The following MMP10 variants were observed in gnomAD, a reference collection of about 807,000 sequenced individuals.
The protein encoded by MMP10 is matrix metallopeptidase 10.
In MMP10, 50 loss-of-function variants were observed where a neutral mutation model predicts 49.1. The observed-to-expected ratio is 1.02, with a 90% CI of 0.81 to 1.29. The LOEUF (loss-of-function observed/expected upper bound fraction) is 1.29. MMP10 is among the 50% of genes most tolerant of loss of function. The pLI, the probability that MMP10 is intolerant of heterozygous loss-of-function variation, is 0.00. For missense variants in MMP10, 613 were observed against 563.8 expected, an observed-to-expected ratio of 1.09 and a Z score of -0.88; for synonymous variants, 229 against 201.6, an observed-to-expected ratio of 1.14 and a Z score of -1.15.
At chr11:102,774,437 G>C (rs985939524) in intron 7 of MMP10, among the ~76,000 whole-genome samples, 1 of 151,842 alleles carries the variant, frequency 6.6e-6, no homozygotes, top group Non-Finnish European at 1.5e-5. Flanking sequence ...GAAAAGATCA[G>C]TAAAATTATT....
chr11:102,771,143 G>A (rs1345773648), intron 9 of MMP10, among the ~76,000 whole-genome samples: 1 of 152,160 alleles, frequency 6.6e-6, no homozygotes, highest in East Asian at 1.9e-4. Flanking sequence ...GCATCTGTAA[G>A]GAAGGAAGGA....
At chr11:102,773,928 T>C (rs889047200) in intron 7 of MMP10, among the ~76,000 whole-genome samples, 3 of 152,246 alleles carry the variant, frequency 2.0e-5, no homozygotes, top group African/African-American at 7.2e-5. Context: ...GAATGGCGTC[T>C]GACACAGTGC....
intron 3 of MMP10, 68 bp from the exon 4 acceptor site, chr11:102,778,817 A>T: frequency 6.4e-7 from 1 of 1,557,828 alleles, no homozygotes; most frequent in Non-Finnish European, 8.8e-7. Context: ...CCAATTAAAC[A>T]ACAGTAGATT....
At chr11:102,779,468 T>G in intron 2 of MMP10, 36 bp downstream of exon 2, 1 of 1,611,908 alleles carries the variant, frequency 6.2e-7, no homozygotes, top group Non-Finnish European at 8.5e-7. Flanking sequence ...ACTTATAAGG[T>G]TTCAATATTA....
chr11:102,780,489 G>A lies in MMP10; in HGVS notation c.103C>T (p.Gln35Ter). The A allele has an allele frequency of 1.2e-6, 2 of 1,613,646 alleles. No individual in the cohort carries two copies. The highest frequency in any genetic ancestry group is 1.7e-6 in the Non-Finnish European group (2 of 1,179,774). ...KEEDSNKDLA[Q>*]QYLEKYYNLE... ...CAATAGATGCCACCGTTAATTACCT[G>A]GGCAAGATCCTTGTTGGAGTCCTCC... The change falls in exon 1 of 10, where the codon CAG (glutamine) becomes TAG (stop). Residue 35 changes from glutamine to a stop codon, truncating the protein, a stop_gained and splice_region_variant. Coordinates refer to ENST00000279441, the MANE Select transcript of MMP10 (RefSeq NM_002425.3). LOFTEE classifies it high-confidence loss of function.
At chr11:102,775,691 A>G (rs1293415470) in intron 6 of MMP10, among the ~76,000 whole-genome samples, 1 of 152,170 alleles carries the variant, frequency 6.6e-6, no homozygotes, top group East Asian at 1.9e-4. Flanking sequence ...AAGACTGGAG[A>G]GAGATTTTTT....
At chr11:102,773,102 T>C in intron 7 of MMP10, 96 bp from the exon 8 acceptor site, 1 of 1,174,218 alleles carries the variant, frequency 8.5e-7, no homozygotes, top group South Asian at 1.7e-5. Flanking sequence ...GGCTTGGTTT[T>C]AATTCCAACC....
intron 3 of MMP10, 135 bp from the exon 4 acceptor site, chr11:102,778,884 A>G (rs915450227): frequency 5.0e-5 from 54 of 1,089,718 alleles, no homozygotes; most frequent in African/African-American, 2.6e-4. Flanking sequence ...TCAATGCCCA[A>G]TGAAATATAG....
rs980960173 is a variant in MMP10, at chr11:102,772,218, C to T, written c.1227-103G>A. On this transcript the variant is annotated intron_variant, in intron 8 of 9. Coordinates refer to ENST00000279441, the MANE Select transcript of MMP10 (RefSeq NM_002425.3). This position sits in a 1 kb window ranked among gnomAD's most constrained non-coding sequence, Gnocchi z 4.4. Reference sequence around the variant, plus strand: ...TTTCCAGTGTGGAATCCTAGACAAACTTTTTAAGTTGTGTAAAAAAGTGTT... The same window carrying T: ...TTTCCAGTGTGGAATCCTAGACAAATTTTTTAAGTTGTGTAAAAAAGTGTT... The T allele has an allele frequency of 5.7e-6, 4 of 700,300 alleles. No homozygotes were observed. The highest frequency in any genetic ancestry group is 2.5e-4 in the Middle Eastern group (1 of 4,068). 43.4% of individuals were successfully genotyped at this position (700,300 alleles called of 1,614,324 possible). A position where few individuals can be genotyped will look rare whatever the true frequency, so the allele number is the denominator to read the frequency against.
intron 7 of MMP10, among the ~76,000 whole-genome samples, chr11:102,773,675 A>T (rs1861996174): frequency 6.6e-6 from 1 of 152,188 alleles, no homozygotes; most frequent in African/African-American, 2.4e-5. Context: ...CTTCTTTCTT[A>T]AAGACCTTTC....
chr11:102,779,317 G>A lies in MMP10; in HGVS notation c.392C>T (p.Ser131Phe), dbSNP rs1007007710. The A allele has an allele frequency of 6.2e-7, 1 of 1,614,068 alleles. No individual in the cohort carries two copies. Among genetic ancestry groups the A allele is most frequent in the Non-Finnish European group, 8.5e-7 (1 of 1,180,032 alleles). ...GACTTTCAGAGCTTTCTCAATGGCAGAATCAACAGCATCTCTTGGCAAATC... is the reference window on the plus strand; with the variant it reads ...GACTTTCAGAGCTTTCTCAATGGCAAAATCAACAGCATCTCTTGGCAAATC... ...TPDLPRDAVDSAIEKALKVWE... is the reference protein window; with the variant it reads ...TPDLPRDAVDFAIEKALKVWE... Residue 131 changes from serine (S) to phenylalanine (F), a missense_variant, in exon 3 of 10, where the codon TCT (serine) becomes TTT (phenylalanine). Physicochemically the swap from Ser to Phe is radical, Grantham distance 155 (BLOSUM62 -2). Coordinates refer to ENST00000279441, the MANE Select transcript of MMP10 (RefSeq NM_002425.3).
chr11:102,773,068 G>T, intron 7 of MMP10, 62 bp from the exon 8 acceptor site: 1 of 1,468,758 alleles, frequency 6.8e-7, no homozygotes, highest in South Asian at 1.4e-5. Flanking sequence ...AATAATTATA[G>T]TGCATTGTTG....
At chr11:102,779,398 C>T in intron 2 of MMP10, 37 bp from the exon 3 acceptor site, 1 of 1,609,968 alleles carries the variant, frequency 6.2e-7, no homozygotes, top group Non-Finnish European at 8.5e-7. Context: ...TTATTTTCTC[C>T]TGCCTTTATG....
At position 102,779,673 on chromosome 11, in the gene MMP10, C is replaced by T. The variant is rs922965767; in HGVS notation, c.178G>A (p.Val60Ile). 2.5e-6 allele frequency: 4 copies of T among 1,613,896 alleles called. No homozygotes were observed. In the African/African-American group the frequency reaches 5.3e-5, roughly 22 times the overall value. ...TTCTGCATTCCTTGGATTTTTTTAA[C>T]AATGAGATTACTGTCCTTTCTTCTA... is the stretch of plus-strand genomic sequence containing the variant. ...QFRRKDSNLI[V>I]KKIQGMQKFL... The change falls in exon 2 of 10, where the codon GTT becomes ATT. Residue 60 changes from valine (V) to isoleucine (I), a missense_variant. Physicochemically the swap from Val to Ile is conservative, Grantham distance 29. Coordinates refer to ENST00000279441, the MANE Select transcript of MMP10 (RefSeq NM_002425.3).
chr11:102,779,814 T>C, intron 1 of MMP10, 69 bp from the exon 2 acceptor site: 1 of 1,512,314 alleles, frequency 6.6e-7, no homozygotes, highest in Non-Finnish European at 8.9e-7. Flanking sequence ...TTATAATCCA[T>C]CGTAATTTTC....
At chr11:102,771,257 A>C (rs12801466) in intron 9 of MMP10, among the ~76,000 whole-genome samples, 16,815 of 152,216 alleles carry the variant, frequency 0.11, 1,176 homozygotes, top group Middle Eastern at 0.23. Context: ...ACCTTGTTTT[A>C]CTTTCTTTCC....
Position 102,780,471 on chromosome 11 carries a change from T to C in MMP10, c.105+16A>G. 6.2e-7 allele frequency: 1 copy of C among 1,611,218 alleles called. No homozygotes were observed. Among genetic ancestry groups the C allele is most frequent in the Non-Finnish European group, 8.5e-7 (1 of 1,177,638 alleles). On this transcript the variant is annotated intron_variant, in intron 1 of 9. Transcript: ENST00000279441. ...TGAGCTGGCCAGTAGCTGCAATAGA[T>C]GCCACCGTTAATTACCTGGGCAAGA...
intron 7 of MMP10, among the ~76,000 whole-genome samples, chr11:102,774,484 G>A (rs752872318): frequency 2.0e-5 from 3 of 151,778 alleles, no homozygotes; most frequent in Non-Finnish European, 4.4e-5. Flanking sequence ...AAAAGAGAAA[G>A]GCAAAAGGAT....
rs1857785998 is a variant in MMP10, at chr11:102,779,077, T to C, written c.496+136A>G. ...TCAGACACTAAATCTGCTGGCACCTTAATCTTGGACTTCCCAGCCTCCAGA... is the reference window on the plus strand; with the variant it reads ...TCAGACACTAAATCTGCTGGCACCTCAATCTTGGACTTCCCAGCCTCCAGA... On this transcript the variant is annotated intron_variant, in intron 3 of 9. Coordinates refer to ENST00000279441, the MANE Select transcript of MMP10 (RefSeq NM_002425.3). 4.7e-6 allele frequency: 6 copies of C among 1,287,486 alleles called. No individual in the cohort carries two copies. The African/African-American group carries it at 7.5e-5, about 16-fold the overall frequency. 79.8% of individuals were successfully genotyped at this position (1,287,486 alleles called of 1,614,324 possible). A position where few individuals can be genotyped will look rare whatever the true frequency, so the allele number is the denominator to read the frequency against.
Sources: allele counts gnomAD v4.1 joint callset (sites outside exome capture counted in the v4.1 genomes callset), GRCh38; gene constraint gnomAD v4.1.1; non-coding constraint Gnocchi (gnomAD v3.1); transcripts MANE v1.5; gene names NCBI Gene and HGNC (gene_info 2026-07-23, HGNC 2026-07-21).